The following PCDH11X variants were observed in gnomAD, a reference collection of about 807,000 sequenced individuals.
The protein encoded by PCDH11X is protocadherin-11 X-linked.
Under a neutral mutation model 53.3 loss-of-function variants are expected in PCDH11X, and 18 were observed. The ratio of observed to expected loss-of-function variants is 0.34; its 90% CI spans 0.23 to 0.50. PCDH11X has a LOEUF of 0.50. Among genes scored for constraint, PCDH11X ranks in the 20% least tolerant of loss-of-function variants. PCDH11X has a pLI of 0.98. For synonymous variants in PCDH11X, 279 were observed against 393.3 expected (o/e 0.71, Z 3.44); for missense variants, 570 against 1,032.4 (o/e 0.55, Z 6.14).
chrX:91,804,254 A>C (rs1347561109), intron 1 of PCDH11X, among the ~76,000 whole-genome samples: 1 of 111,537 alleles, frequency 9.0e-6, no homozygotes, highest in Non-Finnish European at 1.9e-5. Flanking sequence ...TTTTTTGGTC[A>C]GTGAGAATAT....
chrX:92,110,794 A>G (rs1228478745), intron 6 of PCDH11X, among the ~76,000 whole-genome samples: 1 of 111,003 alleles, frequency 9.0e-6, no homozygotes, highest in Non-Finnish European at 1.9e-5. Context: ...AGGGGGAGGC[A>G]GGTTTGTGTG....
chrX:92,189,570 G>C (rs929382863), intron 6 of PCDH11X, among the ~76,000 whole-genome samples: 1 of 111,385 alleles, frequency 9.0e-6, no homozygotes, highest in Non-Finnish European at 1.9e-5. Context: ...ATTCTTTTGG[G>C]TATATACCCA....
intron 6 of PCDH11X, among the ~76,000 whole-genome samples, chrX:92,037,537 A>T (rs2063144578): frequency 1.8e-5 from 2 of 111,346 alleles, no homozygotes; most frequent in Middle Eastern, 4.7e-3. Flanking sequence ...ATGTATCTTT[A>T]TAGTAAAATG....
At chrX:92,030,510 G>A (rs200407818) in intron 6 of PCDH11X, among the ~76,000 whole-genome samples, 23,117 of 106,256 alleles carry the variant, frequency 0.22, 2,628 homozygotes, top group African/African-American at 0.39. Flanking sequence ...TTCACTTTAC[G>A]TTATTTTAAA....
At chrX:91,857,222 T>C (rs1289990301) in intron 5 of PCDH11X, among the ~76,000 whole-genome samples, 1 of 110,479 alleles carries the variant, frequency 9.1e-6, no homozygotes, top group Non-Finnish European at 1.9e-5. Flanking sequence ...AACCATCAGA[T>C]CTCATGAGAC....
At chrX:92,111,590 CACA>C (rs1443281535) in intron 6 of PCDH11X, among the ~76,000 whole-genome samples, 3 of 109,774 alleles carry the variant, frequency 2.7e-5, no homozygotes, top group African/African-American at 1.0e-4. Context: ...TTCCTTTAGT[CACA>C]ACATTACTAA....
At chrX:91,840,940 A>T (rs1484013042) in intron 5 of PCDH11X, among the ~76,000 whole-genome samples, 7 of 110,711 alleles carry the variant, frequency 6.3e-5, no homozygotes, top group Non-Finnish European at 1.3e-4. Context: ...ATATAAAATG[A>T]AGTTTCACTT....
intron 8 of PCDH11X, among the ~76,000 whole-genome samples, chrX:92,272,527 T>C (rs2067982204): frequency 8.9e-6 from 1 of 111,998 alleles, no homozygotes; most frequent in African/African-American, 3.2e-5. Flanking sequence ...TTATTTGAAT[T>C]TTTTTATTGC....
intron 10 of PCDH11X, among the ~76,000 whole-genome samples, chrX:92,508,574 A>G (rs1193520957): frequency 9.0e-6 from 1 of 111,154 alleles, no homozygotes; most frequent in African/African-American, 3.3e-5. Context: ...AAAATTTATA[A>G]TGCTTTATTG....
At chrX:91,945,220 T>G (rs1485480507) in intron 6 of PCDH11X, among the ~76,000 whole-genome samples, 2 of 103,415 alleles carry the variant, frequency 1.9e-5, no homozygotes, top group African/African-American at 6.9e-5. Flanking sequence ...ATAAAATGAC[T>G]AATTTTATTT....
At chrX:92,371,708 T>G (rs1350388451) in intron 8 of PCDH11X, among the ~76,000 whole-genome samples, 1 of 103,261 alleles carries the variant, frequency 9.7e-6, no homozygotes, top group African/African-American at 3.5e-5. Context: ...AATAAATCAG[T>G]AAGTGATATA....
chrX:91,796,388 A>G (rs1032572445), intron 1 of PCDH11X, among the ~76,000 whole-genome samples: 3 of 111,318 alleles, frequency 2.7e-5, no homozygotes, highest in African/African-American at 3.3e-5. Context: ...TTTTAGGTGT[A>G]GTTTTTTTAA....
At chrX:92,150,087 GTCTTT>G (rs59630703) in intron 6 of PCDH11X, among the ~76,000 whole-genome samples, 10,235 of 110,954 alleles carry the variant, frequency 0.092, 1,173 homozygotes, top group African/African-American at 0.32. Flanking sequence ...GTGTGGATGT[GTCTTT>G]TCTTTTCTCT....
At chrX:91,968,421 G>T (rs1040642715) in intron 6 of PCDH11X, among the ~76,000 whole-genome samples, 1 of 109,531 alleles carries the variant, frequency 9.1e-6, no homozygotes, top group African/African-American at 3.4e-5. Flanking sequence ...CAGTTAAAGT[G>T]ACTGAGTCAC....
intron 9 of PCDH11X, among the ~76,000 whole-genome samples, chrX:92,440,244 A>C (rs1167291555): frequency 9.1e-6 from 1 of 109,970 alleles, no homozygotes; most frequent in East Asian, 2.9e-4. Context: ...TTTGGGGTAC[A>C]AATGATCTCA....
chrX:92,576,139 G>A (rs1158531299), intron 10 of PCDH11X, among the ~76,000 whole-genome samples: 1 of 102,204 alleles, frequency 9.8e-6, no homozygotes, highest in African/African-American at 3.5e-5. Context: ...TCATTATGCA[G>A]CGACTTTCTT....
chrX:92,269,965 CTTTTCTGGAAAT>C, intron 8 of PCDH11X, among the ~76,000 whole-genome samples: 1 of 111,035 alleles, frequency 9.0e-6, no homozygotes, highest in African/African-American at 3.3e-5. Flanking sequence ...TTTCTCTCGA[CTTTTCTGGAAAT>C]TTTTCTTCCA....
At chrX:92,552,277 C>A (rs1382316017) in intron 10 of PCDH11X, among the ~76,000 whole-genome samples, 3 of 102,809 alleles carry the variant, frequency 2.9e-5, no homozygotes, top group African/African-American at 1.1e-4. Flanking sequence ...TTGGTTAATT[C>A]CTAGGTATTT....
intron 6 of PCDH11X, among the ~76,000 whole-genome samples, chrX:91,937,809 T>A (rs1386620243): frequency 9.0e-6 from 1 of 111,275 alleles, no homozygotes; most frequent in Non-Finnish European, 1.9e-5. Context: ...ATTTTAAAAA[T>A]TAAGCTTAAT....
Sources: allele counts gnomAD v4.1 joint callset (sites outside exome capture counted in the v4.1 genomes callset), GRCh38; gene constraint gnomAD v4.1.1; transcripts MANE v1.5; gene names NCBI Gene and HGNC (gene_info 2026-07-23, HGNC 2026-07-21).